Variants in TBC1D9 observed in about 807,000 individuals in gnomAD.
The protein encoded by TBC1D9 is TBC1 domain family member 9A.
In TBC1D9, 63 loss-of-function variants were observed where a neutral mutation model predicts 132.0. The observed-to-expected ratio is 0.48, with a 90% CI of 0.39 to 0.59. TBC1D9 has a LOEUF of 0.59. Among genes scored for constraint, TBC1D9 ranks in the 20% least tolerant of loss-of-function variants. The pLI, the probability that TBC1D9 is intolerant of heterozygous loss-of-function variation, is 0.00. For missense variants in TBC1D9, 1,261 were observed against 1,592.7 expected (o/e 0.79, Z 3.54); for synonymous variants, 610 against 609.9 (o/e 1.00, Z 0.00).
At chr4:140,665,117 A>AC (rs1737423557) in intron 9 of TBC1D9, among the ~76,000 whole-genome samples, 2 of 151,936 alleles carry the variant, frequency 1.3e-5, no homozygotes, top group South Asian at 4.2e-4. Flanking sequence ...CAGAAAAAAA[A>AC]AAAAAAAAAA....
chr4:140,748,399 G>C (rs1474302567), intron 1 of TBC1D9, among the ~76,000 whole-genome samples: 2 of 152,094 alleles, frequency 1.3e-5, no homozygotes, highest in Non-Finnish European at 2.9e-5. Flanking sequence ...TGGAGTGCCA[G>C]AAAGAGAGAT....
In TBC1D9 at chr4:140,622,777, C is replaced by T; in HGVS notation, c.3219G>A (p.Gln1073=). The change falls in exon 21 of 21, where the codon CAG becomes CAA. Residue 1073 remains glutamine, a synonymous_variant. Coordinates refer to ENST00000442267, the MANE Select transcript of TBC1D9 (RefSeq NM_015130.3). The part of the protein sequence containing the change: ...IGEVGKLFVA[Q]PAKEGGSGGS... Reference sequence around the variant, plus strand: ...CTCCGCTCCCGCCCTCCTTTGCAGGCTGGGCCACGAACAACTTGCCGACCT... The same window carrying T: ...CTCCGCTCCCGCCCTCCTTTGCAGGTTGGGCCACGAACAACTTGCCGACCT... The T allele has an allele frequency of 6.2e-7, 1 of 1,603,932 alleles. No individual in the cohort carries two copies. The highest frequency in any genetic ancestry group is 1.1e-5 in the South Asian group (1 of 90,804).
chr4:140,664,932 C>T (rs1737418921), intron 9 of TBC1D9, among the ~76,000 whole-genome samples: 1 of 151,864 alleles, frequency 6.6e-6, no homozygotes, highest in Non-Finnish European at 1.5e-5. Context: ...CATGGTGAAA[C>T]CCCGTGTCTA....
chr4:140,684,035 G>A (rs560827033), intron 3 of TBC1D9, among the ~76,000 whole-genome samples: 12 of 152,110 alleles, frequency 7.9e-5, no homozygotes, highest in African/African-American at 2.9e-4. Flanking sequence ...CAATATTGTA[G>A]ATACTGGTCA....
At chr4:140,701,716 A>C in intron 1 of TBC1D9, 102 bp from the exon 2 acceptor site, 2 of 825,590 alleles carry the variant, frequency 2.4e-6, no homozygotes, top group Non-Finnish European at 3.9e-6. Context: ...TCTTCCAACA[A>C]CCCCATCTCC....
At chr4:140,634,595 C>T (rs1216781629) in intron 15 of TBC1D9, among the ~76,000 whole-genome samples, 1 of 152,160 alleles carries the variant, frequency 6.6e-6, no homozygotes, top group Non-Finnish European at 1.5e-5. Context: ...ATGTGACCGC[C>T]TTGTTTTCTA....
At chr4:140,642,836 G>T in intron 13 of TBC1D9, 3 of 590,748 alleles carry the variant, frequency 5.1e-6, no homozygotes, top group South Asian at 4.4e-5. Context: ...GGGCGACAGG[G>T]CTCTCGGGGG....
chr4:140,685,397 G>T (rs1737763855), intron 3 of TBC1D9, among the ~76,000 whole-genome samples: 1 of 152,108 alleles, frequency 6.6e-6, no homozygotes. Context: ...TTCCATCCAG[G>T]AATGCAACAA....
chr4:140,755,369 C>T (rs1738991911), intron 1 of TBC1D9, among the ~76,000 whole-genome samples: 1 of 152,146 alleles, frequency 6.6e-6, no homozygotes, highest in Admixed American at 6.5e-5. Flanking sequence ...ATTTGCTTTG[C>T]TTTATGTCTA....
At chr4:140,749,816 T>C (rs962851772) in intron 1 of TBC1D9, among the ~76,000 whole-genome samples, 3 of 152,138 alleles carry the variant, frequency 2.0e-5, no homozygotes, top group African/African-American at 7.2e-5. Flanking sequence ...AATAAATCTA[T>C]TCTAACCATA....
chr4:140,725,827 T>G (rs918487019), intron 1 of TBC1D9, among the ~76,000 whole-genome samples: 26 of 152,136 alleles, frequency 1.7e-4, no homozygotes, highest in African/African-American at 5.3e-4. Context: ...GTAATTTGCT[T>G]GTACATGCAA....
chr4:140,666,593 C>T (rs1032303534), intron 9 of TBC1D9, among the ~76,000 whole-genome samples: 1 of 152,134 alleles, frequency 6.6e-6, no homozygotes, highest in Non-Finnish European at 1.5e-5. Context: ...CCACCTCGGC[C>T]TCCCAAAGTG....
chr4:140,623,701 C>G (rs879599979), intron 20 of TBC1D9, among the ~76,000 whole-genome samples: 7 of 152,160 alleles, frequency 4.6e-5, no homozygotes, highest in Non-Finnish European at 1.0e-4. Context: ...TCTTCAATTA[C>G]AAAACTTAGC....
intron 8 of TBC1D9, among the ~76,000 whole-genome samples, chr4:140,669,275 C>G (rs1737498386): frequency 6.6e-6 from 1 of 152,084 alleles, no homozygotes; most frequent in Admixed American, 6.6e-5. Flanking sequence ...GCTTTTGGGC[C>G]CAGAGTCAGA....
chr4:140,705,512 ATGTGTGTGTGTGTGTG>A (rs139885350), intron 1 of TBC1D9, among the ~76,000 whole-genome samples: 42 of 142,190 alleles, frequency 3.0e-4, no homozygotes, highest in African/African-American at 1.1e-3. Flanking sequence ...GGGTGTGTGC[ATGTGTGTGTGTGTGTG>A]TGTGTGTGTG....
At chr4:140,648,392 T>G (rs1293797120) in intron 13 of TBC1D9, among the ~76,000 whole-genome samples, 2 of 150,766 alleles carry the variant, frequency 1.3e-5, no homozygotes, top group Non-Finnish European at 3.0e-5. Flanking sequence ...GTTGTTTTTT[T>G]TTTTTTTTTT....
intron 1 of TBC1D9, among the ~76,000 whole-genome samples, chr4:140,735,756 A>G (rs1738664077): frequency 1.3e-5 from 2 of 152,222 alleles, no homozygotes; most frequent in Admixed American, 1.3e-4. Flanking sequence ...AGTTTAGTAC[A>G]GTTATTGCAC....
At chr4:140,683,817 T>C (rs980481132) in intron 3 of TBC1D9, among the ~76,000 whole-genome samples, 1 of 152,244 alleles carries the variant, frequency 6.6e-6, no homozygotes, top group African/African-American at 2.4e-5. Context: ...TTAAAAATAC[T>C]TAAACTACTT....
chr4:140,740,231 G>C (rs188225898), intron 1 of TBC1D9, among the ~76,000 whole-genome samples: 6 of 152,312 alleles, frequency 3.9e-5, no homozygotes, highest in Admixed American at 1.3e-4. Flanking sequence ...CTATGTATTA[G>C]CCAAGTTCCC....
Sources: allele counts gnomAD v4.1 joint callset (sites outside exome capture counted in the v4.1 genomes callset), GRCh38; gene constraint gnomAD v4.1.1; transcripts MANE v1.5; gene names NCBI Gene and HGNC (gene_info 2026-07-23, HGNC 2026-07-21).